The following NAV2 variants were observed in gnomAD, a reference collection of about 807,000 sequenced individuals.
NAV2 encodes helicase, APC down-regulated 1.
NAV2 carries 54 observed loss-of-function variants against 223.2 expected under a neutral mutation model. The ratio of observed to expected loss-of-function variants is 0.24; its 90% CI spans 0.19 to 0.30. NAV2 has a LOEUF of 0.30. Among genes scored for constraint, NAV2 ranks in the 10% least tolerant of loss-of-function variants. NAV2 has a pLI of 1.00. For synonymous variants in NAV2, 1,279 were observed against 1,239.3 expected (o/e 1.03, Z -0.67); for missense variants, 2,806 against 3,147.5 (o/e 0.89, Z 2.60).
chr11:19,491,149 G>A (rs756142679), intron 1 of NAV2, among the ~76,000 whole-genome samples: 3 of 152,108 alleles, frequency 2.0e-5, no homozygotes, highest in Non-Finnish European at 4.4e-5. Context: ...TAGATGTAGT[G>A]TAATCCTTAA....
In NAV2 at chr11:19,428,182, T is replaced by TTC. The variant is rs1242179384; in HGVS notation, c.75+77156_75+77157insCT. 1.3e-3 allele frequency among the ~76,000 whole-genome samples: 195 copies of TTC among 152,322 alleles called. 1 individual carries two copies. Among genetic ancestry groups the TTC allele is most frequent in the African/African-American group, 4.4e-3 (181 of 41,572 alleles). On this transcript the variant is annotated intron_variant, in intron 1 of 37. Coordinates refer to the NAV2 transcript ENST00000360655. ...AAGAAAACCCAGAAGTCAGGGTTTT[T>TTC]TTTGTTGCTGTTGTTAAATATCCCA...
intron 2 of NAV2, among the ~76,000 whole-genome samples, chr11:19,838,545 G>A (rs1348377317): frequency 6.6e-6 from 1 of 152,152 alleles, no homozygotes; most frequent in Non-Finnish European, 1.5e-5. Flanking sequence ...TAAGAACAAG[G>A]GCCAGTGGTT....
intron 25 of NAV2, among the ~76,000 whole-genome samples, 200 bp downstream of exon 25, chr11:20,080,409 T>A (rs913558563): frequency 6.6e-6 from 1 of 152,238 alleles, no homozygotes; most frequent in Admixed American, 6.5e-5. Context: ...ATCTGTAACA[T>A]CCCTACCACT....
intron 1 of NAV2, among the ~76,000 whole-genome samples, chr11:19,532,929 T>A (rs984392391): frequency 6.6e-6 from 1 of 152,206 alleles, no homozygotes; most frequent in Non-Finnish European, 1.5e-5. Flanking sequence ...AGGTAACTCA[T>A]CCCCAATCCT....
At chr11:19,607,740 C>CA (rs1213525843) in intron 1 of NAV2, among the ~76,000 whole-genome samples, 4 of 152,184 alleles carry the variant, frequency 2.6e-5, no homozygotes. Context: ...GATGGGAACT[C>CA]AGATTACAGA....
chr11:19,675,611 A>G (rs1451886438), intron 1 of NAV2, among the ~76,000 whole-genome samples: 3 of 152,262 alleles, frequency 2.0e-5, no homozygotes, highest in Non-Finnish European at 2.9e-5. Flanking sequence ...GAATGCTTGC[A>G]TCACTGACTG....
At chr11:19,700,231 G>T (rs979199423) in intron 1 of NAV2, among the ~76,000 whole-genome samples, 2 of 152,180 alleles carry the variant, frequency 1.3e-5, no homozygotes, top group African/African-American at 4.8e-5. Context: ...GGGAGGGACT[G>T]TTATAAACTC....
rs893877907 is a variant in NAV2, at chr11:19,913,127, C to T, written c.932-20049C>T. ...CTGTATTGACAGCAGGTTTGAATCACTCTGTCCTGTTTTGTGTAATATAAC... is the reference window on the plus strand; with the variant it reads ...CTGTATTGACAGCAGGTTTGAATCATTCTGTCCTGTTTTGTGTAATATAAC... On this transcript the variant is annotated intron_variant, in intron 6 of 37. Coordinates refer to ENST00000349880, the MANE Select transcript of NAV2 (RefSeq NM_145117.5). Among the ~76,000 whole-genome samples the T allele has an allele frequency of 2.0e-5, 3 of 152,320 alleles. No individual in the cohort carries two copies. The East Asian group carries it at 5.8e-4, about 29-fold the overall frequency.
chr11:19,815,143 C>A (rs780262836), intron 1 of NAV2, among the ~76,000 whole-genome samples: 1 of 152,034 alleles, frequency 6.6e-6, no homozygotes, highest in Non-Finnish European at 1.5e-5. Context: ...AAAACCCCTG[C>A]ATGAAGATAC....
At chr11:19,353,787 A>G (rs918793004) in intron 1 of NAV2, among the ~76,000 whole-genome samples, 1 of 152,238 alleles carries the variant, frequency 6.6e-6, no homozygotes, top group Admixed American at 6.5e-5. Flanking sequence ...TGAATGTTAT[A>G]GAAGAATACA....
At chr11:19,815,171 A>G (rs2059032288) in intron 1 of NAV2, among the ~76,000 whole-genome samples, 1 of 151,932 alleles carries the variant, frequency 6.6e-6, no homozygotes, top group Non-Finnish European at 1.5e-5. Context: ...CACAGTTTTG[A>G]GGTCATTTTC....
At chr11:19,658,225 A>T (rs866396766) in intron 1 of NAV2, among the ~76,000 whole-genome samples, 1 of 152,192 alleles carries the variant, frequency 6.6e-6, no homozygotes, top group South Asian at 2.1e-4. Flanking sequence ...CCTGCCTAGG[A>T]TCACACAGCG....
chr11:19,494,757 CT>C (rs1355877297), intron 1 of NAV2, among the ~76,000 whole-genome samples: 1 of 152,220 alleles, frequency 6.6e-6, no homozygotes. Flanking sequence ...TTCCTGAACA[CT>C]TGCCCTGCAT....
intron 1 of NAV2, among the ~76,000 whole-genome samples, chr11:19,414,260 ACAAC>A (rs1183765960): frequency 2.6e-5 from 4 of 152,064 alleles, no homozygotes; most frequent in African/African-American, 4.8e-5. Flanking sequence ...CAAAAACCAA[ACAAC>A]CAACCAAACA....
At chr11:19,458,541 A>G (rs1852040321) in intron 1 of NAV2, among the ~76,000 whole-genome samples, 1 of 152,196 alleles carries the variant, frequency 6.6e-6, no homozygotes. Context: ...TGTACCTACT[A>G]TGTGTCAGGC....
Position 19,534,500 on chromosome 11 carries a change from T to C in NAV2, c.75+183473T>C, listed in dbSNP as rs140182446. ...CATGGAAGGAGAGCAATAAAAGAGGTGAGAGAGAGAGAAGTGAAGGAGCAC... is the reference window on the plus strand; with the variant it reads ...CATGGAAGGAGAGCAATAAAAGAGGCGAGAGAGAGAGAAGTGAAGGAGCAC... On this transcript the variant is annotated intron_variant, in intron 1 of 37. Transcript: ENST00000360655. Among the ~76,000 whole-genome samples the C allele has an allele frequency of 1.5e-3, 226 of 151,404 alleles. 1 individual carries two copies. Among genetic ancestry groups the C allele is most frequent in the African/African-American group, 5.2e-3 (216 of 41,236 alleles).
intron 1 of NAV2, chr11:19,777,587 T>C (rs1162282939): frequency 4.5e-6 from 2 of 447,130 alleles, no homozygotes; most frequent in Non-Finnish European, 8.9e-6. Context: ...CCGCCCCCCA[T>C]CCCCTTTAGG....
intron 1 of NAV2, among the ~76,000 whole-genome samples, chr11:19,493,606 G>A (rs920939336): frequency 6.6e-6 from 1 of 152,144 alleles, no homozygotes; most frequent in Non-Finnish European, 1.5e-5. Context: ...TGAACAGAAA[G>A]CACCTCCCCT....
At chr11:20,075,582 A>G (rs1002234625) in intron 22 of NAV2, among the ~76,000 whole-genome samples, 3 of 152,070 alleles carry the variant, frequency 2.0e-5, no homozygotes, top group Admixed American at 6.5e-5. Flanking sequence ...AATGAGAGAG[A>G]AGCTAACTAT....
Sources: allele counts gnomAD v4.1 joint callset (sites outside exome capture counted in the v4.1 genomes callset), GRCh38; gene constraint gnomAD v4.1.1; transcripts MANE v1.5; gene names NCBI Gene and HGNC (gene_info 2026-07-23, HGNC 2026-07-21).